CDH4: variants seen among roughly 807,000 people sequenced by gnomAD.
CDH4 encodes the protein cadherin 4, also known as cadherin-4.
In CDH4, 33 loss-of-function variants were observed where a neutral mutation model predicts 86.0. The observed-to-expected ratio is 0.38, with a 90% CI of 0.29 to 0.51. The LOEUF (loss-of-function observed/expected upper bound fraction) is 0.51, where lower values mean the gene tolerates loss of function less well. Ranked by LOEUF, CDH4 falls within the 20% of genes least tolerant of loss-of-function variation. The probability of loss-of-function intolerance (pLI) is 0.86; values close to 1 mark genes in which losing one functional copy is unlikely to be tolerated. For synonymous variants in CDH4, 555 were observed against 549.4 expected (o/e 1.01, Z -0.14); for missense variants, 1,114 against 1,307.4 (o/e 0.85, Z 2.28).
intron 2 of CDH4, among the ~76,000 whole-genome samples, chr20:61,283,429 CGTGTGCTGTGGTGTGTGTG>C (rs2084273360): frequency 2.4e-5 from 3 of 123,236 alleles, no homozygotes; most frequent in Non-Finnish European, 5.2e-5. Context: ...CGTTTGCACG[CGTGTGCTGTGGTGTGTGTG>C]ATGTGTGTGC....
intron 5 of CDH4, among the ~76,000 whole-genome samples, chr20:61,852,144 CA>C (rs112947091): frequency 0.028 from 4,306 of 152,248 alleles, 140 homozygotes; most frequent in African/African-American, 0.073. Flanking sequence ...CCCACCCCAC[CA>C]CCCATATTCC....
intron 2 of CDH4, among the ~76,000 whole-genome samples, chr20:61,334,503 CG>C (rs879291394): frequency 1.3e-5 from 2 of 152,110 alleles, no homozygotes; most frequent in African/African-American, 4.8e-5. Flanking sequence ...CTCTGGAGGC[CG>C]GGGGGGCTGG....
At chr20:61,416,699 A>G (rs544007313) in intron 2 of CDH4, among the ~76,000 whole-genome samples, 1 of 152,280 alleles carries the variant, frequency 6.6e-6, no homozygotes, top group African/African-American at 2.4e-5. Context: ...CTCTGCTCAG[A>G]CCAGACCCAT....
intron 2 of CDH4, among the ~76,000 whole-genome samples, chr20:61,412,188 C>T (rs1305591090): frequency 6.6e-6 from 1 of 152,214 alleles, no homozygotes; most frequent in Non-Finnish European, 1.5e-5. Flanking sequence ...TCAGTCTAGT[C>T]TGTGCTAACA....
chr20:61,793,580 G>A (rs963131885), intron 4 of CDH4, among the ~76,000 whole-genome samples: 6 of 151,738 alleles, frequency 4.0e-5, no homozygotes, highest in African/African-American at 9.7e-5. Flanking sequence ...AGTGGCTCAC[G>A]CCTGTAATCC....
At chr20:61,438,957 A>C (rs1273258617) in intron 2 of CDH4, among the ~76,000 whole-genome samples, 1 of 152,032 alleles carries the variant, frequency 6.6e-6, no homozygotes, top group Non-Finnish European at 1.5e-5. Flanking sequence ...AAAAACATGA[A>C]GATCATAAAA....
chr20:61,294,126 G>A (rs574873220), intron 2 of CDH4, among the ~76,000 whole-genome samples: 1 of 152,266 alleles, frequency 6.6e-6, no homozygotes, highest in East Asian at 1.9e-4. Context: ...CTCATGGGTG[G>A]TGGTGGCTTC....
At chr20:61,558,524 C>A (rs2086193567) in intron 2 of CDH4, among the ~76,000 whole-genome samples, 1 of 152,234 alleles carries the variant, frequency 6.6e-6, no homozygotes, top group African/African-American at 2.4e-5. Flanking sequence ...CCCACACTGG[C>A]CTGCGGCCTC....
chr20:61,719,109 C>G, intron 2 of CDH4: 2 of 471,154 alleles, frequency 4.2e-6, no homozygotes, highest in South Asian at 1.5e-5. Flanking sequence ...GTATCCCAGC[C>G]TCTTCATGTC....
chr20:61,463,351 A>C lies in CDH4; in HGVS notation c.169+208414A>C, dbSNP rs570938718. Among the ~76,000 whole-genome samples the C allele has an allele frequency of 1.1e-4, 17 of 152,364 alleles. 1 individual carries two copies. In the South Asian group the frequency reaches 2.5e-3, roughly 22 times the overall value. ...CAACAAAGGAAGAAAATCCAGGCAG[A>C]TCTCTACAGAGGAAGAGTGCTCTCA... On this transcript the variant is annotated intron_variant, in intron 2 of 15. Coordinates refer to ENST00000614565, the MANE Select transcript of CDH4 (RefSeq NM_001794.5).
At chr20:61,601,251 G>A (rs200226409) in intron 2 of CDH4, among the ~76,000 whole-genome samples, 1 of 152,064 alleles carries the variant, frequency 6.6e-6, no homozygotes, top group South Asian at 2.1e-4. Context: ...TTAAACAACC[G>A]GCTCTCATGA....
intron 2 of CDH4, among the ~76,000 whole-genome samples, chr20:61,696,915 G>A (rs1222802273): frequency 6.6e-6 from 1 of 152,196 alleles, no homozygotes; most frequent in East Asian, 1.9e-4. Context: ...CGCACAGAAT[G>A]CAGTTGGGGA....
chr20:61,601,551 G>T (rs1275059385), intron 2 of CDH4, among the ~76,000 whole-genome samples: 2 of 152,136 alleles, frequency 1.3e-5, no homozygotes, highest in Non-Finnish European at 1.5e-5. Flanking sequence ...CTCTTCCCGG[G>T]GCCTGTTCAG....
At chr20:61,771,017 T>C (rs942350197) in intron 3 of CDH4, among the ~76,000 whole-genome samples, 11 of 123,534 alleles carry the variant, frequency 8.9e-5, no homozygotes, top group Admixed American at 3.9e-4. Flanking sequence ...TTTCTTTTTT[T>C]TTTTTTTTTT....
intron 4 of CDH4, among the ~76,000 whole-genome samples, chr20:61,836,835 A>G (rs184530850): frequency 5.2e-4 from 79 of 152,348 alleles, no homozygotes; most frequent in African/African-American, 1.5e-3. Context: ...CGGGGTTACA[A>G]TTTTATAATC....
chr20:61,932,378 C>A (rs112630448), intron 13 of CDH4, among the ~76,000 whole-genome samples: 2 of 152,198 alleles, frequency 1.3e-5, no homozygotes, highest in Non-Finnish European at 2.9e-5. Flanking sequence ...TGAGCCAGTG[C>A]GGCTGTGCCT....
chr20:61,875,921 C>T (rs1268745146), intron 7 of CDH4, among the ~76,000 whole-genome samples: 1 of 136,702 alleles, frequency 7.3e-6, no homozygotes, highest in Admixed American at 7.7e-5. Context: ...AGGGCAGCCC[C>T]TGTTTGCGCT....
chr20:61,812,223 G>T (rs1021689698), intron 4 of CDH4, among the ~76,000 whole-genome samples: 1 of 152,108 alleles, frequency 6.6e-6, no homozygotes, highest in Non-Finnish European at 1.5e-5. Context: ...GGTAGGGGTC[G>T]GGGAGCAGCT....
In CDH4 at chr20:61,607,022, T is replaced by C. The variant is rs200273979; in HGVS notation, c.170-136541T>C. ...AGGGATAGAGCTGCTGGCCGGTCTG[T>C]GGTGGGTGACAGTGATGTGTCCATA... is the stretch of plus-strand genomic sequence containing the variant. On this transcript the variant is annotated intron_variant, in intron 2 of 15. Coordinates refer to ENST00000614565, the MANE Select transcript of CDH4 (RefSeq NM_001794.5). Among the ~76,000 whole-genome samples, 12 of 152,358 alleles carry C rather than the reference T, an allele frequency of 7.9e-5. No individual in the cohort carries two copies. In the East Asian group the frequency reaches 2.3e-3, roughly 29 times the overall value.
Sources: gnomAD v4.1 joint callset for allele counts (sites outside exome capture counted in the v4.1 genomes callset) on GRCh38, gnomAD v4.1.1 for gene constraint, MANE v1.5 for transcripts, NCBI Gene and HGNC (gene_info 2026-07-23, HGNC 2026-07-21) for gene names.